Variants in TAF4 observed in about 807,000 individuals in gnomAD.
TAF4 encodes TATA-box binding protein associated factor 4.
In TAF4, 9 loss-of-function variants were observed where a neutral mutation model predicts 90.3. That is an observed-to-expected ratio of 0.10 (90% CI 0.06 to 0.17). The LOEUF (loss-of-function observed/expected upper bound fraction) is 0.17. TAF4 is among the 10% of genes least tolerant of loss of function. The pLI is 1.00. For missense variants in TAF4, 1,351 were observed against 1,370.7 expected (o/e 0.99, Z 0.23); for synonymous variants, 818 against 638.9 (o/e 1.28, Z -4.23).
intron 7 of TAF4, 136 bp from the exon 8 acceptor site, chr20:62,004,014 T>A: frequency 8.9e-7 from 1 of 1,127,694 alleles, no homozygotes; most frequent in South Asian, 1.7e-5. Flanking sequence ...AGACCCCGTG[T>A]GCAGCTCAGC....
intron 1 of TAF4, among the ~76,000 whole-genome samples, chr20:62,038,663 G>A (rs2055947273): frequency 6.6e-6 from 1 of 152,104 alleles, no homozygotes; most frequent in Non-Finnish European, 1.5e-5. Context: ...AATCAATGAA[G>A]AGGTACAACA....
Position 62,059,644 on chromosome 20 carries a change from T to G in TAF4, c.1360+4807A>C, listed in dbSNP as rs913168638. On this transcript the variant is annotated intron_variant, in intron 1 of 14. Coordinates refer to ENST00000252996, the MANE Select transcript of TAF4 (RefSeq NM_003185.4). ...AACTGCTTTATTGCTATCAAAGGCC[T>G]GATTAAGTAAACGCCCCCATCACGC... Among the ~76,000 whole-genome samples, 6 of 152,202 alleles carry G rather than the reference T, an allele frequency of 3.9e-5. No homozygotes were observed. The East Asian group carries it at 1.2e-3, about 29-fold the overall frequency.
intron 1 of TAF4, among the ~76,000 whole-genome samples, chr20:62,026,465 C>G (rs963691806): frequency 6.6e-6 from 1 of 152,192 alleles, no homozygotes; most frequent in East Asian, 1.9e-4. Context: ...AAAAATAACA[C>G]CAAGCTAGCT....
At chr20:61,986,128 T>A (rs566454868) in intron 14 of TAF4, among the ~76,000 whole-genome samples, 6 of 111,882 alleles carry the variant, frequency 5.4e-5, no homozygotes, top group Non-Finnish European at 1.1e-4. Context: ...GGAAACACCA[T>A]CCCCAATCAA....
At position 61,976,277 on chromosome 20, in the gene TAF4, A is replaced by C; in HGVS notation, c.3149T>G (p.Phe1050Cys). ...GACCCGCGTGATTCTTTGTCGCGTGAACTGTCTGGGGGTTCCGACACCCGA... is the reference window on the plus strand; with the variant it reads ...GACCCGCGTGATTCTTTGTCGCGTGCACTGTCTGGGGGTTCCGACACCCGA... ...GSSGVGTPRQFTRQRITRVNL... is the reference protein window; with the variant it reads ...GSSGVGTPRQCTRQRITRVNL... The change falls in exon 15 of 15, where the codon TTC becomes TGC. Residue 1050 changes from phenylalanine (F) to cysteine (C), a missense_variant. Physicochemically the swap from Phe to Cys is radical, Grantham distance 205. This residue lies in a region of TAF4 where 48 missense variants were observed against 50.6 expected (regional missense o/e 0.95). Transcript: ENST00000252996. The C allele has an allele frequency of 6.2e-7, 1 of 1,613,964 alleles. No individual in the cohort carries two copies. The highest frequency in any genetic ancestry group is 8.5e-7 in the Non-Finnish European group (1 of 1,180,040).
At position 62,065,060 on chromosome 20, in the gene TAF4, CGGGGGGCGCGGCGGCGCCCACGAA is replaced by C. The variant is rs2056118574; in HGVS notation, c.727_750del (p.Phe243_Pro250del). On this transcript the variant is annotated inframe_deletion, in exon 1 of 15. Coordinates refer to ENST00000252996, the MANE Select transcript of TAF4 (RefSeq NM_003185.4). ...GCGGGGGGCGAGGGCGCGGCGGGCG[CGGGGGGCGCGGCGGCGCCCACGAA>C]GGGGGGCGTCTGGATGACAGTGCCG... 1.4e-6 allele frequency: 1 copy of C among 714,026 alleles called. No individual in the cohort carries two copies. Among genetic ancestry groups the C allele is most frequent in the Non-Finnish European group, 1.6e-6 (1 of 631,878 alleles). The allele number at this position is 714,026 out of a possible 1,614,324, so 44.2% of individuals were successfully genotyped here. A position where few individuals can be genotyped will look rare whatever the true frequency, so the allele number is the denominator to read the frequency against.
chr20:62,047,413 T>C (rs760659165), intron 1 of TAF4, among the ~76,000 whole-genome samples: 1 of 152,182 alleles, frequency 6.6e-6, no homozygotes, highest in Non-Finnish European at 1.5e-5. Context: ...ACTCAGAGCA[T>C]GGACTTCTCT....
intron 2 of TAF4, 89 bp downstream of exon 2, chr20:62,014,458 T>C: frequency 1.4e-6 from 2 of 1,444,868 alleles, no homozygotes. Context: ...CCCATGGCTG[T>C]GCCTGGCCCT....
chr20:62,027,831 C>T (rs2055883095), intron 1 of TAF4, among the ~76,000 whole-genome samples: 1 of 152,238 alleles, frequency 6.6e-6, no homozygotes, highest in Non-Finnish European at 1.5e-5. Flanking sequence ...TGGCCCACAT[C>T]GCTCCATGCG....
At chr20:62,056,970 C>G (rs893512825) in intron 1 of TAF4, among the ~76,000 whole-genome samples, 2 of 152,234 alleles carry the variant, frequency 1.3e-5, no homozygotes, top group African/African-American at 4.8e-5. Context: ...AGCTCCAAAG[C>G]AAGGCAGGCC....
At chr20:62,033,917 C>A (rs1325954654) in intron 1 of TAF4, among the ~76,000 whole-genome samples, 4 of 151,988 alleles carry the variant, frequency 2.6e-5, no homozygotes, top group African/African-American at 9.7e-5. Flanking sequence ...TGGCAGGCGC[C>A]TGTAGTCCCT....
chr20:61,982,534 G>C (rs1450210164), intron 14 of TAF4, among the ~76,000 whole-genome samples: 1 of 111,746 alleles, frequency 8.9e-6, no homozygotes, highest in Non-Finnish European at 1.8e-5. Flanking sequence ...ACATCCACCC[G>C]AGAGGAGACA....
intron 1 of TAF4, among the ~76,000 whole-genome samples, chr20:62,054,367 T>C (rs2056048512): frequency 6.6e-6 from 1 of 152,120 alleles, no homozygotes; most frequent in Admixed American, 6.5e-5. Context: ...GATCTACAGA[T>C]CTGTGAATTT....
In TAF4 at chr20:62,065,507, G is replaced by GC. The variant is rs1439708777; in HGVS notation, c.303dup (p.Pro102AlafsTer360). The GC allele has an allele frequency of 5.1e-6, 5 of 972,690 alleles. No individual in the cohort carries two copies. Among genetic ancestry groups the GC allele is most frequent in the African/African-American group, 3.6e-5 (2 of 55,994 alleles). 60.3% of individuals were successfully genotyped at this position (972,690 alleles called of 1,614,324 possible). On this transcript the variant is annotated frameshift_variant, in exon 1 of 15. Transcript: ENST00000252996. LOFTEE classifies it high-confidence loss of function. ...GGTGAGGGGGGGCCCGGGCGCTGCG[G>GC]CCCCCCGCCCCCCGGCCGCGCTCTA...
chr20:62,018,222 C>T (rs934310069), intron 1 of TAF4, among the ~76,000 whole-genome samples: 1 of 152,212 alleles, frequency 6.6e-6, no homozygotes, highest in African/African-American at 2.4e-5. Flanking sequence ...ACTTTCTTGT[C>T]CGCCTCCCTG....
At chr20:62,054,519 A>T (rs527941523) in intron 1 of TAF4, among the ~76,000 whole-genome samples, 1 of 152,296 alleles carries the variant, frequency 6.6e-6, no homozygotes, top group South Asian at 2.1e-4. Context: ...ACTCCACCAC[A>T]TAAGGCTCTC....
intron 14 of TAF4, among the ~76,000 whole-genome samples, chr20:61,979,588 C>G (rs2123089891): frequency 6.8e-6 from 1 of 147,128 alleles, no homozygotes; most frequent in South Asian, 2.2e-4. Context: ...GCGACGGCCT[C>G]TAGAGGGACT....
intron 14 of TAF4, 47 bp downstream of exon 14, chr20:61,997,503 G>T: frequency 6.6e-7 from 1 of 1,504,538 alleles, no homozygotes; most frequent in Non-Finnish European, 8.9e-7. Context: ...GCTCTAAGAT[G>T]TTCCCCATGT....
chr20:62,043,537 T>C (rs1246366156), intron 1 of TAF4, among the ~76,000 whole-genome samples: 1 of 152,162 alleles, frequency 6.6e-6, no homozygotes, highest in Non-Finnish European at 1.5e-5. Flanking sequence ...AGCACAGTCA[T>C]GTCCCAGGCC....
Sources: gnomAD v4.1 joint callset for allele counts (sites outside exome capture counted in the v4.1 genomes callset) on GRCh38, gnomAD v4.1.1 for gene constraint, gnomAD v4.1.1 regional missense constraint, MANE v1.5 for transcripts, NCBI Gene and HGNC (gene_info 2026-07-23, HGNC 2026-07-21) for gene names.